The following NPFFR2 variants were observed in gnomAD, a reference collection of about 807,000 sequenced individuals.
NPFFR2 encodes neuropeptide FF receptor 2.
Under a neutral mutation model 13.1 loss-of-function variants are expected in NPFFR2, and 15 were observed. The ratio of observed to expected loss-of-function variants is 1.15; its 90% CI spans 0.77 to 1.76. NPFFR2 has a LOEUF of 1.76. NPFFR2 is among the 40% of genes most tolerant of loss of function. NPFFR2 has a pLI of 0.00. For synonymous variants in NPFFR2, 190 were observed against 175.7 expected (o/e 1.08, Z -0.65); for missense variants, 572 against 503.5 (o/e 1.14, Z -1.30).
At chr4:72,111,590 A>G (rs1387972069) in intron 1 of NPFFR2, among the ~76,000 whole-genome samples, 1 of 152,018 alleles carries the variant, frequency 6.6e-6, no homozygotes, top group Non-Finnish European at 1.5e-5. Flanking sequence ...AATCAGGGCA[A>G]TAATCTCTTG....
intron 1 of NPFFR2, among the ~76,000 whole-genome samples, chr4:72,072,397 G>A (rs4561900): frequency 0.9 from 136,652 of 151,878 alleles, 62,424 homozygotes; most frequent in Non-Finnish European, 0.98. Context: ...GAAAAAAAGA[G>A]AATTTGGAGC....
chr4:72,065,027 T>A (rs1304187131), intron 1 of NPFFR2, among the ~76,000 whole-genome samples: 1 of 150,830 alleles, frequency 6.6e-6, no homozygotes, highest in Non-Finnish European at 1.5e-5. Context: ...TATCAATGCA[T>A]CCAAGTTGTC....
chr4:72,135,846 A>G (rs1330992969), intron 2 of NPFFR2, among the ~76,000 whole-genome samples: 1 of 151,824 alleles, frequency 6.6e-6, no homozygotes, highest in Non-Finnish European at 1.5e-5. Context: ...ATGGGTACAT[A>G]TGTGTATATT....
intron 1 of NPFFR2, among the ~76,000 whole-genome samples, chr4:72,051,399 G>C (rs1177754164): frequency 6.6e-6 from 1 of 151,956 alleles, no homozygotes; most frequent in Non-Finnish European, 1.5e-5. Flanking sequence ...TGACTACTGG[G>C]TACATAACGA....
chr4:72,048,864 T>C (rs1719462109), intron 1 of NPFFR2, among the ~76,000 whole-genome samples: 1 of 152,084 alleles, frequency 6.6e-6, no homozygotes, highest in African/African-American at 2.4e-5. Flanking sequence ...AATTTACAAA[T>C]AGTTATATTG....
chr4:72,142,148 T>C (rs1302493728), intron 3 of NPFFR2, among the ~76,000 whole-genome samples: 1 of 152,220 alleles, frequency 6.6e-6, no homozygotes, highest in Admixed American at 6.5e-5. Flanking sequence ...TGATTCTATA[T>C]GTGTCTCTGC....
chr4:72,058,206 T>G lies in NPFFR2; in HGVS notation c.-8+26006T>G, dbSNP rs1322901633. Among the ~76,000 whole-genome samples, 5 of 151,914 alleles carry G rather than the reference T, an allele frequency of 3.3e-5. No individual in the cohort carries two copies. The South Asian group carries it at 1.0e-3, about 32-fold the overall frequency. On this transcript the variant is annotated intron_variant, in intron 1 of 3. Coordinates refer to ENST00000308744, the MANE Select transcript of NPFFR2 (RefSeq NM_004885.3). ...TTTATGGGGAGTACACACTAAAGTA[T>G]TTATGGGCACAGGGACATTATTTCA...
chr4:72,074,838 A>G (rs747184739), intron 1 of NPFFR2, among the ~76,000 whole-genome samples: 2 of 152,174 alleles, frequency 1.3e-5, no homozygotes, highest in Non-Finnish European at 2.9e-5. Flanking sequence ...TGGATATTCT[A>G]TGCAAACGGT....
At chr4:72,119,585 A>T (rs1378910718) in intron 1 of NPFFR2, among the ~76,000 whole-genome samples, 1 of 152,094 alleles carries the variant, frequency 6.6e-6, no homozygotes, top group South Asian at 2.1e-4. Flanking sequence ...TACCCAGTTC[A>T]TCTCATTGGG....
Position 72,148,226 on chromosome 4 carries a change from T to A in NPFFR2, c.*414T>A, listed in dbSNP as rs928779911. Among the ~76,000 whole-genome samples the A allele has an allele frequency of 6.6e-6, 1 of 152,216 alleles. No individual in the cohort carries two copies. Among genetic ancestry groups the A allele is most frequent in the African/African-American group, 2.4e-5 (1 of 41,468 alleles). ...TCTCCTTTGATTTTGGATTTAAAAT[T>A]TTAGATTACAAGACTATTACTCTGC... On this transcript the variant is annotated 3_prime_UTR_variant, in exon 4 of 4. Transcript: ENST00000308744.
At chr4:72,112,751 C>A (rs879911480) in intron 1 of NPFFR2, among the ~76,000 whole-genome samples, 1 of 151,752 alleles carries the variant, frequency 6.6e-6, no homozygotes, top group Non-Finnish European at 1.5e-5. Flanking sequence ...ATCTGTGAGT[C>A]ATGTGTCTCA....
At chr4:72,108,849 A>G (rs1024237784) in intron 1 of NPFFR2, among the ~76,000 whole-genome samples, 5 of 152,166 alleles carry the variant, frequency 3.3e-5, no homozygotes, top group Middle Eastern at 3.4e-3. Flanking sequence ...TGCAATGTTT[A>G]TAAGGTCAAA....
At chr4:72,041,698 G>A (rs1264357191) in intron 1 of NPFFR2, among the ~76,000 whole-genome samples, 2 of 152,090 alleles carry the variant, frequency 1.3e-5, no homozygotes, top group African/African-American at 4.8e-5. Context: ...ATTCTAATTG[G>A]TGTGAGATGA....
At chr4:72,143,731 T>A (rs931498738) in intron 3 of NPFFR2, among the ~76,000 whole-genome samples, 1 of 152,180 alleles carries the variant, frequency 6.6e-6, no homozygotes, top group African/African-American at 2.4e-5. Flanking sequence ...CTGTCTTACA[T>A]CCAACTGCCA....
intron 1 of NPFFR2, among the ~76,000 whole-genome samples, chr4:72,085,846 G>T (rs947191305): frequency 6.6e-6 from 1 of 151,986 alleles, no homozygotes; most frequent in African/African-American, 2.4e-5. Flanking sequence ...TTATCTTTTT[G>T]GTAAGTCCTA....
chr4:72,036,208 T>A (rs1393427824), intron 1 of NPFFR2, among the ~76,000 whole-genome samples: 1 of 152,050 alleles, frequency 6.6e-6, no homozygotes. Flanking sequence ...AAAGTAAACA[T>A]GTTTACTAGG....
chr4:72,053,123 A>G (rs141504806), intron 1 of NPFFR2, among the ~76,000 whole-genome samples: 13 of 151,896 alleles, frequency 8.6e-5, no homozygotes, highest in African/African-American at 2.9e-4. Flanking sequence ...GTCGTTGGCA[A>G]TGGTCCTCAG....
At chr4:72,061,685 A>G (rs1719924187) in intron 1 of NPFFR2, among the ~76,000 whole-genome samples, 1 of 152,218 alleles carries the variant, frequency 6.6e-6, no homozygotes, top group African/African-American at 2.4e-5. Context: ...ACACAGGAAC[A>G]GAAAACCAAA....
chr4:72,069,638 T>C (rs28515833), intron 1 of NPFFR2, among the ~76,000 whole-genome samples: 178 of 152,216 alleles, frequency 1.2e-3, no homozygotes, highest in African/African-American at 4.0e-3. Context: ...ACAAAAGATA[T>C]AATAAAGTCA....
Sources: gnomAD v4.1 joint callset for allele counts (sites outside exome capture counted in the v4.1 genomes callset) on GRCh38, gnomAD v4.1.1 for gene constraint, MANE v1.5 for transcripts, NCBI Gene and HGNC (gene_info 2026-07-23, HGNC 2026-07-21) for gene names.